DOK6: variants seen among roughly 807,000 people sequenced by gnomAD.
The protein encoded by DOK6 is downstream of tyrosine kinase 6.
In DOK6, 22 loss-of-function variants were observed where a neutral mutation model predicts 44.0. The ratio of observed to expected loss-of-function variants is 0.50; its 90% confidence interval spans 0.36 to 0.71. The LOEUF is 0.71. Among genes scored for constraint, DOK6 ranks in the 30% least tolerant of loss-of-function variants. The pLI is 0.00. For missense variants in DOK6, 340 were observed against 416.4 expected (o/e 0.82, Z 1.60); for synonymous variants, 166 against 145.5 (o/e 1.14, Z -1.01).
At chr18:69,452,266 C>A (rs992971988) in intron 1 of DOK6, among the ~76,000 whole-genome samples, 7 of 150,072 alleles carry the variant, frequency 4.7e-5, no homozygotes, top group Admixed American at 4.0e-4. Flanking sequence ...AAACTACCAT[C>A]AGAGAATACT....
intron 7 of DOK6, among the ~76,000 whole-genome samples, chr18:69,830,023 A>G (rs1400632558): frequency 6.6e-6 from 1 of 152,158 alleles, no homozygotes; most frequent in Non-Finnish European, 1.5e-5. Context: ...TACATGCCAT[A>G]TTTAATCATT....
chr18:69,437,371 A>G (rs907134071), intron 1 of DOK6, among the ~76,000 whole-genome samples: 4 of 152,222 alleles, frequency 2.6e-5, no homozygotes, highest in South Asian at 2.1e-4. Flanking sequence ...AGTCTTTTGC[A>G]TATGGCTAGC....
At position 69,696,785 on chromosome 18, in the gene DOK6, T is replaced by C. The variant is rs527765963; in HGVS notation, c.410-1619T>C. 2.6e-5 allele frequency among the ~76,000 whole-genome samples: 4 copies of C among 152,344 alleles called. No individual in the cohort carries two copies. The East Asian group carries it at 7.7e-4, about 29-fold the overall frequency. On this transcript the variant is annotated intron_variant, in intron 4 of 7. Transcript: ENST00000382713. ...AATCCCATTGGAGTGTGAATTATGA[T>C]GGGAATGTGACTGATGTGTTTAATA...
intron 7 of DOK6, among the ~76,000 whole-genome samples, chr18:69,821,905 A>G (rs183868084): frequency 1.3e-5 from 2 of 152,160 alleles, no homozygotes; most frequent in Non-Finnish European, 2.9e-5. Context: ...TAACTGAACT[A>G]TCCTTACCAG....
intron 3 of DOK6, among the ~76,000 whole-genome samples, chr18:69,631,124 T>G (rs1457598099): frequency 6.6e-6 from 1 of 151,808 alleles, no homozygotes. Context: ...AAAAAAGCGG[T>G]TCTCATTTTT....
intron 3 of DOK6, among the ~76,000 whole-genome samples, chr18:69,676,070 C>CTA (rs1985915596): frequency 1.3e-5 from 2 of 152,172 alleles, no homozygotes; most frequent in African/African-American, 4.8e-5. Context: ...GCCTCTGACT[C>CTA]CACTCAAGTG....
intron 6 of DOK6, among the ~76,000 whole-genome samples, chr18:69,740,358 T>G (rs1978761409): frequency 6.6e-6 from 1 of 152,240 alleles, no homozygotes; most frequent in South Asian, 2.1e-4. Flanking sequence ...TTTCAAATTA[T>G]TTCAGAGTCA....
intron 1 of DOK6, among the ~76,000 whole-genome samples, chr18:69,463,370 C>T (rs963608826): frequency 7.6e-6 from 1 of 132,126 alleles, no homozygotes; most frequent in Non-Finnish European, 1.7e-5. Flanking sequence ...CCTCTCCCTT[C>T]AGAAGGAGCC....
chr18:69,759,005 T>G (rs1318437215), intron 7 of DOK6, among the ~76,000 whole-genome samples: 1 of 152,196 alleles, frequency 6.6e-6, no homozygotes, highest in African/African-American at 2.4e-5. Flanking sequence ...GGCAAAGCAG[T>G]TGGAATGGTT....
intron 1 of DOK6, among the ~76,000 whole-genome samples, chr18:69,484,128 T>A (rs1208477136): frequency 1.3e-5 from 2 of 151,998 alleles, no homozygotes; most frequent in African/African-American, 4.8e-5. Flanking sequence ...AATTTATAAA[T>A]CCTAAGTCCT....
At position 69,591,392 on chromosome 18, in the gene DOK6, G is replaced by A. The variant is rs143263023; in HGVS notation, c.175-7992G>A. Among the ~76,000 whole-genome samples the A allele has an allele frequency of 2.3e-3, 355 of 152,212 alleles. 6 individuals carry two copies. In the East Asian group the frequency reaches 0.051, roughly 22 times the overall value. On this transcript the variant is annotated intron_variant, in intron 2 of 7. Coordinates refer to ENST00000382713, the MANE Select transcript of DOK6 (RefSeq NM_152721.6). ...ATGAATGAATGACTGACAGACAACC[G>A]TGGTCATTCAGACTTTGGTATTTGT...
Position 69,591,250 on chromosome 18 carries a change from A to G in DOK6, c.175-8134A>G, listed in dbSNP as rs144897011. 1.3e-3 allele frequency among the ~76,000 whole-genome samples: 196 copies of G among 152,110 alleles called. 1 individual carries two copies. Among genetic ancestry groups the G allele is most frequent in the African/African-American group, 4.5e-3 (187 of 41,518 alleles). ...TATTCTACTTGACAAAATAAATAGA[A>G]CTCATAGGTCACTTCTGCTGTATAC... On this transcript the variant is annotated intron_variant, in intron 2 of 7. Coordinates refer to ENST00000382713, the MANE Select transcript of DOK6 (RefSeq NM_152721.6).
intron 1 of DOK6, among the ~76,000 whole-genome samples, chr18:69,405,630 T>C (rs1192444414): frequency 1.4e-5 from 2 of 146,208 alleles, no homozygotes; most frequent in African/African-American, 5.2e-5. Context: ...ATAAAATAAA[T>C]AGAAATGTGC....
At chr18:69,734,393 CAAAAAAAA>C (rs60831756) in intron 5 of DOK6, among the ~76,000 whole-genome samples, 1 of 48,512 alleles carries the variant, frequency 2.1e-5, no homozygotes, top group African/African-American at 6.8e-5. Context: ...TTCATAGCAG[CAAAAAAAA>C]AAAAAAAAAA....
intron 1 of DOK6, among the ~76,000 whole-genome samples, chr18:69,435,597 A>G (rs2122432650): frequency 6.6e-6 from 1 of 152,344 alleles, no homozygotes; most frequent in East Asian, 1.9e-4. Flanking sequence ...TCTTTGGAAC[A>G]ATAAAGTCAG....
chr18:69,535,637 T>A (rs897308205), intron 1 of DOK6, among the ~76,000 whole-genome samples: 7 of 149,736 alleles, frequency 4.7e-5, no homozygotes, highest in Non-Finnish European at 7.5e-5. Flanking sequence ...ATTATCATCA[T>A]GTTTCTGATT....
intron 1 of DOK6, among the ~76,000 whole-genome samples, chr18:69,534,626 C>A (rs560260313): frequency 4.6e-4 from 70 of 151,656 alleles, no homozygotes; most frequent in African/African-American, 1.7e-3. Context: ...TCTCAGTGGT[C>A]CCTCACTCCA....
At chr18:69,665,556 A>G (rs771016709) in intron 3 of DOK6, among the ~76,000 whole-genome samples, 37 of 152,270 alleles carry the variant, frequency 2.4e-4, no homozygotes, top group South Asian at 8.3e-4. Context: ...CCAATTTTCT[A>G]TCGTCTGCCT....
chr18:69,688,661 T>C (rs752847246), intron 4 of DOK6, among the ~76,000 whole-genome samples: 7 of 152,176 alleles, frequency 4.6e-5, no homozygotes, highest in Non-Finnish European at 8.8e-5. Flanking sequence ...CAGCTGGGAT[T>C]GCAGGCACCC....
Sources: allele counts gnomAD v4.1 joint callset (sites outside exome capture counted in the v4.1 genomes callset), GRCh38; gene constraint gnomAD v4.1.1; transcripts MANE v1.5; gene names NCBI Gene and HGNC (gene_info 2026-07-23, HGNC 2026-07-21).